SORCS2: variants seen among roughly 807,000 people sequenced by gnomAD.
The protein encoded by SORCS2 is VPS10 domain-containing receptor SorCS2.
A neutral mutation model predicts 141.6 loss-of-function variants in SORCS2; 100 were observed. The ratio of observed to expected loss-of-function variants is 0.71; its 90% CI spans 0.60 to 0.83. The LOEUF is 0.83. Ranked by LOEUF, SORCS2 falls within the 40% of genes least tolerant of loss-of-function variation. The pLI, the probability that SORCS2 is intolerant of heterozygous loss-of-function variation, is 0.00. For synonymous variants in SORCS2, 789 were observed against 676.9 expected (o/e 1.17, Z -2.57); for missense variants, 1,646 against 1,560.2 (o/e 1.05, Z -0.93).
intron 3 of SORCS2, among the ~76,000 whole-genome samples, chr4:7,621,803 C>T (rs1433164734): frequency 2.6e-5 from 4 of 152,314 alleles, no homozygotes; most frequent in Middle Eastern, 6.8e-3. Context: ...AGACAGGCGA[C>T]CTCTGGGTAA....
chr4:7,351,740 T>C (rs187641279), intron 1 of SORCS2, among the ~76,000 whole-genome samples: 2 of 151,382 alleles, frequency 1.3e-5, no homozygotes, highest in East Asian at 3.9e-4. Context: ...CATCTATTCC[T>C]CTCTCTCTCC....
intron 1 of SORCS2, among the ~76,000 whole-genome samples, chr4:7,323,800 G>C (rs1719059227): frequency 6.6e-6 from 1 of 151,878 alleles, no homozygotes. Flanking sequence ...AATGGGAACA[G>C]AACCCCCATC....
In SORCS2 at chr4:7,506,407, A is replaced by G. The variant is rs550764868; in HGVS notation, c.549-25123A>G. On this transcript the variant is annotated intron_variant, in intron 2 of 26. Coordinates refer to ENST00000507866, the MANE Select transcript of SORCS2 (RefSeq NM_020777.3). ...ATGGTGATGGATTTGTCGTTCTCCA[A>G]TTAGAAGTTGCCAGCAGCTGCAGGC... Among the ~76,000 whole-genome samples, 4 of 152,292 alleles carry G rather than the reference A, an allele frequency of 2.6e-5. No individual in the cohort carries two copies. The South Asian group carries it at 6.2e-4, about 24-fold the overall frequency.
At position 7,287,304 on chromosome 4, in the gene SORCS2, G is replaced by A. The variant is rs1306837528; in HGVS notation, c.480+94178G>A. On this transcript the variant is annotated intron_variant, in intron 1 of 26. Transcript: ENST00000507866. ...AAAGGTGGGGTGTCCGAGAGGCTCT[G>A]AGGCCCCCAGGCAGCTGTACCCTGT... 2.0e-5 allele frequency among the ~76,000 whole-genome samples: 3 copies of A among 152,254 alleles called. No individual in the cohort carries two copies. The South Asian group carries it at 6.2e-4, about 32-fold the overall frequency.
chr4:7,249,760 C>T (rs1383439626), intron 1 of SORCS2, among the ~76,000 whole-genome samples: 2 of 152,320 alleles, frequency 1.3e-5, no homozygotes, highest in Middle Eastern at 3.4e-3. Context: ...GAACTCCCTT[C>T]CCCTCCTGCG....
At chr4:7,602,648 G>A (rs1428138589) in intron 3 of SORCS2, among the ~76,000 whole-genome samples, 3 of 149,516 alleles carry the variant, frequency 2.0e-5, no homozygotes, top group Admixed American at 6.7e-5. Context: ...GATGACTGCC[G>A]GGAAGAGGCA....
intron 3 of SORCS2, among the ~76,000 whole-genome samples, chr4:7,552,617 C>G (rs983067571): frequency 1.6e-4 from 25 of 152,226 alleles, no homozygotes; most frequent in African/African-American, 6.0e-4. Flanking sequence ...CAGGGATACC[C>G]TGGCCCCCCA....
chr4:7,689,645 C>T (rs2108984361), intron 11 of SORCS2, 57 bp downstream of exon 11: 2 of 1,483,334 alleles, frequency 1.3e-6, no homozygotes, highest in South Asian at 2.4e-5. Flanking sequence ...AAGAGTACCT[C>T]CAATCTTAAG....
intron 14 of SORCS2, among the ~76,000 whole-genome samples, chr4:7,710,435 T>A (rs1396380871): frequency 6.7e-6 from 1 of 149,932 alleles, no homozygotes; most frequent in Admixed American, 6.6e-5. Context: ...GCTGCTGCTA[T>A]ACCTTCCATA....
chr4:7,628,103 G>A (rs1362128095), intron 3 of SORCS2, among the ~76,000 whole-genome samples: 3 of 152,250 alleles, frequency 2.0e-5, no homozygotes, highest in Non-Finnish European at 2.9e-5. Flanking sequence ...AGAGTCTAAG[G>A]GAGGCGGGGG....
intron 1 of SORCS2, among the ~76,000 whole-genome samples, chr4:7,340,334 C>A (rs1179607867): frequency 6.6e-6 from 1 of 152,236 alleles, no homozygotes; most frequent in Non-Finnish European, 1.5e-5. Context: ...GGAGCTGGGA[C>A]TGAGGGTGTC....
At chr4:7,317,744 C>T (rs571226469) in intron 1 of SORCS2, among the ~76,000 whole-genome samples, 57 of 152,290 alleles carry the variant, frequency 3.7e-4, no homozygotes, top group South Asian at 1.2e-3. Context: ...GAATTTCACC[C>T]ATATCACTTC....
intron 21 of SORCS2, 122 bp downstream of exon 21, chr4:7,727,025 G>A (rs1049549957): frequency 2.1e-5 from 27 of 1,272,484 alleles, no homozygotes; most frequent in Non-Finnish European, 2.6e-5. Context: ...CCTGGGGTGG[G>A]GAGGGAGGGG....
intron 3 of SORCS2, among the ~76,000 whole-genome samples, chr4:7,565,724 ATGG>A (rs1473281934): frequency 6.7e-6 from 1 of 150,210 alleles, no homozygotes; most frequent in Non-Finnish European, 1.5e-5. Flanking sequence ...TGGTGCTGTG[ATGG>A]TGATGATGAT....
intron 2 of SORCS2, chr4:7,431,830 G>C (rs1334293196): frequency 2.0e-5 from 3 of 152,232 alleles, no homozygotes. Context: ...GTTTACTTAA[G>C]AGCTCGGGTG....
chr4:7,678,737 A>T (rs991369172), intron 9 of SORCS2, among the ~76,000 whole-genome samples: 4 of 149,186 alleles, frequency 2.7e-5, no homozygotes, highest in African/African-American at 9.9e-5. Flanking sequence ...CTCCCAAGGG[A>T]TGTCCCTTCT....
intron 1 of SORCS2, among the ~76,000 whole-genome samples, chr4:7,365,480 C>T (rs1721826545): frequency 6.6e-6 from 1 of 152,032 alleles, no homozygotes; most frequent in African/African-American, 2.4e-5. Flanking sequence ...CCAGAGCTGT[C>T]GAGAGTTCAG....
At chr4:7,573,504 TTTTG>T (rs1330160667) in intron 3 of SORCS2, among the ~76,000 whole-genome samples, 1 of 152,158 alleles carries the variant, frequency 6.6e-6, no homozygotes, top group Non-Finnish European at 1.5e-5. Flanking sequence ...TGTTCTGATT[TTTTG>T]TTTGTTTGTT....
chr4:7,469,449 A>T (rs1053611899), intron 2 of SORCS2, among the ~76,000 whole-genome samples: 5 of 152,236 alleles, frequency 3.3e-5, no homozygotes, highest in East Asian at 1.9e-4. Flanking sequence ...TGTGCGGTTC[A>T]TGTATCTTCC....
Sources: allele counts gnomAD v4.1 joint callset (sites outside exome capture counted in the v4.1 genomes callset), GRCh38; gene constraint gnomAD v4.1.1; transcripts MANE v1.5; gene names NCBI Gene and HGNC (gene_info 2026-07-23, HGNC 2026-07-21).